LSAMP: variants seen among roughly 807,000 people sequenced by gnomAD.
The protein encoded by LSAMP is limbic system-associated membrane protein.
A neutral mutation model predicts 38.6 loss-of-function variants in LSAMP; 7 were observed. The ratio of observed to expected loss-of-function variants is 0.18; its 90% CI spans 0.10 to 0.34. LSAMP has a LOEUF of 0.34. LSAMP is among the 10% of genes least tolerant of loss of function. The pLI is 1.00. For missense variants in LSAMP, 313 were observed against 420.0 expected (o/e 0.75, Z 2.23); for synonymous variants, 154 against 166.8 (o/e 0.92, Z 0.59).
intron 1 of LSAMP, among the ~76,000 whole-genome samples, chr3:116,275,514 A>G (rs2047038609): frequency 1.3e-5 from 2 of 151,350 alleles, no homozygotes; most frequent in South Asian, 2.1e-4. Context: ...TTATTTACCT[A>G]ATTAATTATT....
At chr3:116,166,936 G>A (rs536357322) in intron 1 of LSAMP, among the ~76,000 whole-genome samples, 5 of 151,564 alleles carry the variant, frequency 3.3e-5, no homozygotes, top group Admixed American at 6.6e-5. Flanking sequence ...GACTACAGGC[G>A]CCCGCCACCA....
intron 3 of LSAMP, among the ~76,000 whole-genome samples, chr3:115,989,147 GAAGAA>G (rs1939596537): frequency 6.6e-6 from 1 of 151,900 alleles, no homozygotes; most frequent in Non-Finnish European, 1.5e-5. Flanking sequence ...TCATAGAAGA[GAAGAA>G]AAGAAAAAAA....
chr3:115,925,059 G>T (rs973097542), intron 3 of LSAMP, among the ~76,000 whole-genome samples: 8 of 152,164 alleles, frequency 5.3e-5, no homozygotes, highest in African/African-American at 1.9e-4. Flanking sequence ...CTCATAGTCT[G>T]CTCCTTGGTT....
intron 3 of LSAMP, among the ~76,000 whole-genome samples, chr3:115,876,966 T>C (rs1312548890): frequency 1.3e-5 from 2 of 152,154 alleles, no homozygotes; most frequent in Non-Finnish European, 2.9e-5. Flanking sequence ...CCTTCCATTT[T>C]GGAAGCTTTC....
rs374919567 is a variant in LSAMP, at chr3:116,153,746, T to A, written c.156-67190A>T. On this transcript the variant is annotated intron_variant, in intron 1 of 6. Coordinates refer to ENST00000490035, the MANE Select transcript of LSAMP (RefSeq NM_002338.5). ...TTAACTCTTTGGCTTTCACTTAAGC[T>A]TAAATTACAATATCTACAGTACTTA... Among the ~76,000 whole-genome samples the A allele has an allele frequency of 5.9e-5, 9 of 152,258 alleles. No homozygotes were observed. The East Asian group carries it at 1.7e-3, about 29-fold the overall frequency.
intron 1 of LSAMP, among the ~76,000 whole-genome samples, chr3:116,443,522 G>A (rs1466356273): frequency 6.6e-6 from 1 of 152,034 alleles, no homozygotes; most frequent in Non-Finnish European, 1.5e-5. Context: ...CTCTAACAAG[G>A]CTAGAGCTCC....
chr3:115,863,434 G>T (rs549976463), intron 3 of LSAMP, among the ~76,000 whole-genome samples: 1 of 151,784 alleles, frequency 6.6e-6, no homozygotes, highest in Non-Finnish European at 1.5e-5. Context: ...GGGGTGGGAG[G>T]GTAATAATTG....
At chr3:115,813,448 T>C (rs1202588729) in intron 6 of LSAMP, among the ~76,000 whole-genome samples, 2 of 152,208 alleles carry the variant, frequency 1.3e-5, no homozygotes, top group Non-Finnish European at 1.5e-5. Context: ...TTCACAAGAA[T>C]GAAGTCACAT....
At chr3:115,979,161 G>A (rs192338253) in intron 3 of LSAMP, among the ~76,000 whole-genome samples, 4 of 152,044 alleles carry the variant, frequency 2.6e-5, no homozygotes, top group African/African-American at 9.6e-5. Flanking sequence ...CACAGATAGA[G>A]AGACTAGACA....
intron 1 of LSAMP, among the ~76,000 whole-genome samples, chr3:116,156,727 G>C (rs1223675910): frequency 6.6e-6 from 1 of 152,040 alleles, no homozygotes. Flanking sequence ...AGTATGATGA[G>C]ATGACACAAT....
At chr3:116,289,550 C>T (rs1416088111) in intron 1 of LSAMP, among the ~76,000 whole-genome samples, 1 of 152,118 alleles carries the variant, frequency 6.6e-6, no homozygotes, top group Non-Finnish European at 1.5e-5. Context: ...ACTGACTTTG[C>T]AATCAATTTC....
At chr3:116,161,699 G>T (rs1015654023) in intron 1 of LSAMP, among the ~76,000 whole-genome samples, 3 of 152,070 alleles carry the variant, frequency 2.0e-5, no homozygotes, top group Non-Finnish European at 4.4e-5. Context: ...TCTACAGATG[G>T]GCTTAGTGCC....
chr3:116,072,587 C>CTTA (rs1576346171), intron 2 of LSAMP, among the ~76,000 whole-genome samples: 1 of 152,140 alleles, frequency 6.6e-6, no homozygotes, highest in East Asian at 1.9e-4. Flanking sequence ...TAATAATTGC[C>CTTA]ATTTTGACTG....
intron 6 of LSAMP, among the ~76,000 whole-genome samples, chr3:115,827,755 T>C (rs896446048): frequency 1.3e-5 from 2 of 152,090 alleles, no homozygotes; most frequent in African/African-American, 4.8e-5. Flanking sequence ...TCCTAGTGAG[T>C]AGTCTGCCTA....
chr3:115,856,618 C>CA (rs554689672), intron 3 of LSAMP, among the ~76,000 whole-genome samples: 1,261 of 116,568 alleles, frequency 0.011, 3 homozygotes, highest in South Asian at 0.018. Context: ...GACTCCATCT[C>CA]AAAAAAAAAA....
intron 1 of LSAMP, among the ~76,000 whole-genome samples, chr3:116,334,408 T>A (rs1051511666): frequency 3.9e-5 from 6 of 152,118 alleles, no homozygotes; most frequent in Non-Finnish European, 8.8e-5. Flanking sequence ...AGCATTACAC[T>A]GATAGCTAAG....
chr3:116,197,471 C>T (rs1194791548), intron 1 of LSAMP, among the ~76,000 whole-genome samples: 1 of 152,238 alleles, frequency 6.6e-6, no homozygotes, highest in Non-Finnish European at 1.5e-5. Flanking sequence ...TCAGCTAGAT[C>T]GGATAAGTTA....
intron 3 of LSAMP, among the ~76,000 whole-genome samples, chr3:116,018,663 A>G (rs1940551668): frequency 6.6e-6 from 1 of 152,188 alleles, no homozygotes; most frequent in Admixed American, 6.6e-5. Flanking sequence ...ATGGTTTTGC[A>G]TACCAGAAAA....
chr3:115,897,952 G>T (rs747000603), intron 3 of LSAMP, among the ~76,000 whole-genome samples: 1 of 152,110 alleles, frequency 6.6e-6, no homozygotes, highest in African/African-American at 2.4e-5. Context: ...GGAGCAGTTC[G>T]TGAGCTCTGG....
Sources: gnomAD v4.1 joint callset for allele counts (sites outside exome capture counted in the v4.1 genomes callset) on GRCh38, gnomAD v4.1.1 for gene constraint, MANE v1.5 for transcripts, NCBI Gene and HGNC (gene_info 2026-07-23, HGNC 2026-07-21) for gene names.